Variants in CDH18 observed in about 807,000 individuals in gnomAD.
The protein encoded by CDH18 is cadherin 18.
Under a neutral mutation model 67.9 loss-of-function variants are expected in CDH18, and 31 were observed. The observed-to-expected ratio is 0.46, with a 90% CI of 0.34 to 0.62. The LOEUF (loss-of-function observed/expected upper bound fraction) is 0.62. CDH18 is among the 20% of genes least tolerant of loss of function. The probability of loss-of-function intolerance (pLI) is 0.01; values close to 1 mark genes in which losing one functional copy is unlikely to be tolerated. For missense variants in CDH18, 890 were observed against 975.5 expected (o/e 0.91, Z 1.17); for synonymous variants, 362 against 347.2 (o/e 1.04, Z -0.48).
chr5:20,263,765 A>G (rs1318632615), intron 1 of CDH18, among the ~76,000 whole-genome samples: 1 of 152,156 alleles, frequency 6.6e-6, no homozygotes, highest in Non-Finnish European at 1.5e-5. Flanking sequence ...TGTTGAGTTC[A>G]GGTGTACTAT....
chr5:19,647,753 C>A (rs987019866), intron 5 of CDH18, among the ~76,000 whole-genome samples: 3 of 151,878 alleles, frequency 2.0e-5, no homozygotes, highest in African/African-American at 7.3e-5. Context: ...TCATACTCAC[C>A]CTGCGTTTGT....
At chr5:19,703,849 G>T (rs1236166852) in intron 5 of CDH18, among the ~76,000 whole-genome samples, 1 of 152,092 alleles carries the variant, frequency 6.6e-6, no homozygotes, top group Non-Finnish European at 1.5e-5. Flanking sequence ...TTTGTAATGG[G>T]ACTGTTAAAG....
chr5:19,630,297 T>C (rs1382829274), intron 5 of CDH18, among the ~76,000 whole-genome samples: 1 of 152,194 alleles, frequency 6.6e-6, no homozygotes, highest in Non-Finnish European at 1.5e-5. Flanking sequence ...TATCCATCCT[T>C]ATCCCCCTTG....
At chr5:19,946,724 A>G (rs1795316522) in intron 2 of CDH18, among the ~76,000 whole-genome samples, 1 of 152,132 alleles carries the variant, frequency 6.6e-6, no homozygotes, top group African/African-American at 2.4e-5. Flanking sequence ...GGGAAGGAAC[A>G]TTTCCCAACA....
intron 1 of CDH18, among the ~76,000 whole-genome samples, chr5:20,536,956 A>G (rs1338589247): frequency 6.6e-6 from 1 of 152,168 alleles, no homozygotes; most frequent in Non-Finnish European, 1.5e-5. Flanking sequence ...CCACTGAATT[A>G]GCTAGGGCTG....
intron 2 of CDH18, among the ~76,000 whole-genome samples, chr5:19,910,999 G>C (rs1343703985): frequency 2.6e-5 from 4 of 152,118 alleles, no homozygotes; most frequent in African/African-American, 9.7e-5. Context: ...AAGCAGACTG[G>C]AGGTAGGGGA....
intron 1 of CDH18, among the ~76,000 whole-genome samples, chr5:20,356,874 ATATATACTC>A (rs1012257053): frequency 3.3e-5 from 5 of 149,914 alleles, no homozygotes; most frequent in African/African-American, 1.2e-4. Flanking sequence ...TATATACTAT[ATATATACTC>A]TATATATACA....
chr5:20,020,335 C>T (rs1408936111), intron 2 of CDH18, among the ~76,000 whole-genome samples: 2 of 152,196 alleles, frequency 1.3e-5, no homozygotes, highest in Non-Finnish European at 2.9e-5. Context: ...AAGTCTGCTG[C>T]AGTCATTTGC....
chr5:20,228,175 C>T (rs1741786170), intron 2 of CDH18, among the ~76,000 whole-genome samples: 1 of 151,946 alleles, frequency 6.6e-6, no homozygotes, highest in South Asian at 2.1e-4. Flanking sequence ...CCTTATCAAT[C>T]TCTTGAACTC....
In CDH18 at chr5:20,143,007, G is replaced by T. The variant is rs187873325; in HGVS notation, c.-518+112437C>A. ...TAGAGGTAGTTTGGGATTGGATAAT[G>T]AGTAGAAGCTGTAAGAATTTTGAGA... On this transcript the variant is annotated intron_variant, in intron 2 of 14. Transcript: ENST00000507958. Among the ~76,000 whole-genome samples the T allele has an allele frequency of 2.3e-3, 354 of 152,292 alleles. 1 individual carries two copies. Among genetic ancestry groups the T allele is most frequent in the African/African-American group, 7.5e-3 (312 of 41,548 alleles).
intron 9 of CDH18, among the ~76,000 whole-genome samples, chr5:19,536,184 A>T (rs1561291163): frequency 6.6e-6 from 1 of 152,126 alleles, no homozygotes. Context: ...TTACAAGCCC[A>T]TAGAGGTGAA....
At chr5:20,539,134 C>T (rs186257527) in intron 1 of CDH18, among the ~76,000 whole-genome samples, 12 of 152,012 alleles carry the variant, frequency 7.9e-5, no homozygotes, top group Admixed American at 2.0e-4. Context: ...AGTAATCCAG[C>T]CGCTTCAGCC....
chr5:19,836,670 T>C (rs111285824), intron 3 of CDH18, among the ~76,000 whole-genome samples: 6,931 of 151,930 alleles, frequency 0.046, 218 homozygotes, highest in Non-Finnish European at 0.063. Context: ...CTCTTTACTT[T>C]AATTAGATTT....
intron 4 of CDH18, among the ~76,000 whole-genome samples, chr5:19,745,817 C>T (rs1258805745): frequency 6.6e-6 from 1 of 152,084 alleles, no homozygotes; most frequent in Non-Finnish European, 1.5e-5. Flanking sequence ...CCTACAGCAG[C>T]TGCAGGAGCT....
chr5:19,531,700 C>T (rs1162982153), intron 9 of CDH18, among the ~76,000 whole-genome samples: 1 of 151,884 alleles, frequency 6.6e-6, no homozygotes, highest in East Asian at 1.9e-4. Context: ...GGGAGGCTGG[C>T]GTGGGTGGAT....
chr5:19,520,904 C>G, intron 9 of CDH18, 126 bp from the exon 10 acceptor site: 1 of 977,708 alleles, frequency 1.0e-6, no homozygotes, highest in South Asian at 1.7e-5. Flanking sequence ...TTTTGGCAAA[C>G]GACAACTTTA....
At chr5:19,916,219 C>G (rs139449000) in intron 2 of CDH18, among the ~76,000 whole-genome samples, 7 of 152,284 alleles carry the variant, frequency 4.6e-5, no homozygotes, top group African/African-American at 1.7e-4. Flanking sequence ...CCATAGAGCA[C>G]TGCAAGATCT....
chr5:20,393,125 C>A (rs1745006018), intron 1 of CDH18, among the ~76,000 whole-genome samples: 1 of 151,822 alleles, frequency 6.6e-6, no homozygotes, highest in South Asian at 2.1e-4. Flanking sequence ...AGGTGTCTTA[C>A]TATATTATGC....
At chr5:20,061,966 T>A (rs1205181182) in intron 2 of CDH18, among the ~76,000 whole-genome samples, 1 of 152,014 alleles carries the variant, frequency 6.6e-6, no homozygotes, top group Non-Finnish European at 1.5e-5. Context: ...TCACACACTG[T>A]CCTAAGTGCA....
Sources: allele counts gnomAD v4.1 joint callset (sites outside exome capture counted in the v4.1 genomes callset), GRCh38; gene constraint gnomAD v4.1.1; transcripts MANE v1.5; gene names NCBI Gene and HGNC (gene_info 2026-07-23, HGNC 2026-07-21).